The following ACVR1 variants were observed in gnomAD, a reference collection of about 807,000 sequenced individuals.
ACVR1 encodes the protein activin A receptor type 1.
ACVR1 carries 38 observed loss-of-function variants against 57.1 expected under a neutral mutation model. The observed-to-expected ratio is 0.67, with a 90% CI of 0.51 to 0.87. The LOEUF (loss-of-function observed/expected upper bound fraction) is 0.87. Ranked by LOEUF, ACVR1 falls within the 40% of genes least tolerant of loss-of-function variation. The probability of loss-of-function intolerance (pLI) is 0.00; values close to 1 mark genes in which losing one functional copy is unlikely to be tolerated. For missense variants in ACVR1, 463 were observed against 638.2 expected (o/e 0.73, Z 2.96); for synonymous variants, 212 against 228.1 (o/e 0.93, Z 0.63).
chr2:157,755,547 C>T (rs1685391559), intron 9 of ACVR1, among the ~76,000 whole-genome samples: 1 of 151,560 alleles, frequency 6.6e-6, no homozygotes, highest in African/African-American at 2.4e-5. Context: ...CCATACCATA[C>T]CATACCATAC....
At chr2:157,844,129 G>C (rs1689058445) in intron 1 of ACVR1, among the ~76,000 whole-genome samples, 1 of 152,198 alleles carries the variant, frequency 6.6e-6, no homozygotes, top group Non-Finnish European at 1.5e-5. Flanking sequence ...CTTATGGAAA[G>C]CAAGGCTGGG....
At chr2:157,863,199 GA>G (rs1689786139) in intron 1 of ACVR1, among the ~76,000 whole-genome samples, 1 of 150,244 alleles carries the variant, frequency 6.7e-6, no homozygotes, top group Non-Finnish European at 1.5e-5. Context: ...TTTTAGTAGT[GA>G]TGAGGTTTCA....
Position 157,737,593 on chromosome 2 carries a change from G to A in ACVR1, c.1468C>T (p.Arg490Cys), listed in dbSNP as rs1684582212. The change falls in exon 11 of 11, where the codon CGT becomes TGT. Residue 490 changes from arginine (R) to cysteine (C), a missense_variant. Around this residue, in one of 3 missense-constraint regions of ACVR1, gnomAD observed 146 missense variants for 186.6 expected, o/e 0.78. Transcript: ENST00000434821. ...ATTTTGGTCAAAGTCTTTTTGATAC[G>A]CAGTGCTGTGAGTCTTGCGGATGGA... ...QNPSARLTAL[R>C]IKKTLTKIDN... 1.2e-6 allele frequency: 2 copies of A among 1,613,962 alleles called. No homozygotes were observed. Among genetic ancestry groups the A allele is most frequent in the Non-Finnish European group, 1.7e-6 (2 of 1,179,880 alleles).
chr2:157,786,140 T>C (rs1462923683), intron 3 of ACVR1, among the ~76,000 whole-genome samples: 1 of 152,220 alleles, frequency 6.6e-6, no homozygotes, highest in Non-Finnish European at 1.5e-5. Flanking sequence ...CCTTACATGT[T>C]ACTTCCTCAG....
intron 7 of ACVR1, among the ~76,000 whole-genome samples, chr2:157,767,391 G>A (rs1433665901): frequency 6.6e-6 from 1 of 152,082 alleles, no homozygotes; most frequent in Non-Finnish European, 1.5e-5. Flanking sequence ...AAGACTGTCT[G>A]GAAGTTAGGG....
chr2:157,746,876 T>C (rs1684986297), intron 9 of ACVR1, among the ~76,000 whole-genome samples: 3 of 152,244 alleles, frequency 2.0e-5, no homozygotes, highest in African/African-American at 7.2e-5. Flanking sequence ...AAGGACACTA[T>C]TGAGAAATGC....
intron 1 of ACVR1, among the ~76,000 whole-genome samples, chr2:157,865,632 A>T (rs1439729628): frequency 6.6e-6 from 1 of 151,976 alleles, no homozygotes; most frequent in Non-Finnish European, 1.5e-5. Context: ...TCTCTACTTA[A>T]AAATAAAAAA....
At chr2:157,767,983 A>G (rs1367295667) in intron 7 of ACVR1, among the ~76,000 whole-genome samples, 5 of 152,218 alleles carry the variant, frequency 3.3e-5, no homozygotes, top group Non-Finnish European at 5.9e-5. Flanking sequence ...CATAATTGAT[A>G]TTAGGTTCCT....
Position 157,736,809 on chromosome 2 carries a change from A to G in ACVR1, c.*722T>C, listed in dbSNP as rs911151956. 13 of 344,138 alleles carry G rather than the reference A, an allele frequency of 3.8e-5. No individual in the cohort carries two copies. The highest frequency in any genetic ancestry group is 6.4e-5 in the Non-Finnish European group (12 of 187,748). The allele number at this position is 344,138 out of a possible 1,614,324, so 21.3% of individuals were successfully genotyped here. The stretch of plus-strand genomic sequence containing the variant: ...TTAAAAACATTTCTGTAATAAAATC[A>G]TAAGACCACATAAAAATAAGCTTTA... On this transcript the variant is annotated 3_prime_UTR_variant, in exon 11 of 11. Coordinates refer to ENST00000434821, the MANE Select transcript of ACVR1 (RefSeq NM_001111067.4).
At chr2:157,775,470 G>A (rs1686245618) in intron 5 of ACVR1, among the ~76,000 whole-genome samples, 1 of 152,142 alleles carries the variant, frequency 6.6e-6, no homozygotes, top group South Asian at 2.1e-4. Flanking sequence ...CAAACATTTT[G>A]GCTGGCCTAC....
At chr2:157,861,553 A>G (rs995383988) in intron 1 of ACVR1, among the ~76,000 whole-genome samples, 2 of 152,364 alleles carry the variant, frequency 1.3e-5, no homozygotes, top group East Asian at 3.8e-4. Flanking sequence ...ATGAAAACTA[A>G]ATCCAGGTAA....
chr2:157,795,367 C>T (rs1388489935), intron 3 of ACVR1, among the ~76,000 whole-genome samples: 2 of 137,660 alleles, frequency 1.5e-5, no homozygotes, highest in African/African-American at 2.7e-5. Context: ...AAACAAAATG[C>T]CTTCCATAGA....
chr2:157,813,039 C>A (rs1193127116), intron 2 of ACVR1, among the ~76,000 whole-genome samples: 1 of 151,936 alleles, frequency 6.6e-6, no homozygotes, highest in Non-Finnish European at 1.5e-5. Context: ...TTAACAAAAT[C>A]CCAAAAATAA....
intron 9 of ACVR1, among the ~76,000 whole-genome samples, chr2:157,742,798 C>T (rs1684828725): frequency 1.3e-5 from 2 of 152,136 alleles, no homozygotes; most frequent in African/African-American, 4.8e-5. Context: ...CAAGATCTTG[C>T]CCCCGAGGTC....
At chr2:157,809,479 T>C (rs370198762) in intron 2 of ACVR1, among the ~76,000 whole-genome samples, 1 of 151,922 alleles carries the variant, frequency 6.6e-6, no homozygotes, top group Non-Finnish European at 1.5e-5. Context: ...AGTGCACAAG[T>C]TGAATGGGTT....
rs964318836 is a variant in ACVR1, at chr2:157,834,214, C to T, written c.-182-15655G>A. Among the ~76,000 whole-genome samples, 5 of 152,186 alleles carry T rather than the reference C, an allele frequency of 3.3e-5. No homozygotes were observed. In the South Asian group the frequency reaches 1.0e-3, roughly 32 times the overall value. On this transcript the variant is annotated intron_variant, in intron 1 of 10. Coordinates refer to ENST00000434821, the MANE Select transcript of ACVR1 (RefSeq NM_001111067.4). ...TCAAGCGATTCTCCTGCCTCAGCCT[C>T]CTGAGTAGCTGGGATTACAGGTGCG...
At chr2:157,805,456 C>T (rs1217471899) in intron 2 of ACVR1, among the ~76,000 whole-genome samples, 1 of 152,200 alleles carries the variant, frequency 6.6e-6, no homozygotes, top group African/African-American at 2.4e-5. Context: ...TACGCTTGCT[C>T]ACCATTGGTA....
intron 5 of ACVR1, among the ~76,000 whole-genome samples, chr2:157,774,720 T>C (rs1686211727): frequency 6.6e-6 from 1 of 152,172 alleles, no homozygotes; most frequent in Non-Finnish European, 1.5e-5. Context: ...TAATATATGA[T>C]AGGTTTTCCC....
chr2:157,797,122 A>AT (rs1559062600), intron 3 of ACVR1, among the ~76,000 whole-genome samples: 1 of 152,222 alleles, frequency 6.6e-6, no homozygotes, highest in Non-Finnish European at 1.5e-5. Flanking sequence ...CATTTACAGC[A>AT]TATTTCCACT....
Sources: allele counts gnomAD v4.1 joint callset (sites outside exome capture counted in the v4.1 genomes callset), GRCh38; gene constraint gnomAD v4.1.1; regional missense constraint gnomAD v4.1.1; transcripts MANE v1.5; gene names NCBI Gene and HGNC (gene_info 2026-07-23, HGNC 2026-07-21).